Variants in UHRF1 observed in about 807,000 individuals in gnomAD.
UHRF1 encodes the protein ubiquitin like with PHD and ring finger domains 1.
A neutral mutation model predicts 96.5 loss-of-function variants in UHRF1; 9 were observed. The observed-to-expected ratio is 0.09, with a 90% confidence interval of 0.06 to 0.16. The LOEUF (loss-of-function observed/expected upper bound fraction) is 0.16. Ranked by LOEUF, UHRF1 falls within the 10% of genes least tolerant of loss-of-function variation. The pLI is 1.00. For missense variants in UHRF1, 626 were observed against 1,131.1 expected, an observed-to-expected ratio of 0.55 and a Z score of 6.40; for synonymous variants, 455 against 469.9, an observed-to-expected ratio of 0.97 and a Z score of 0.41.
intron 13 of UHRF1, among the ~76,000 whole-genome samples, chr19:4,952,251 C>A (rs577322898): frequency 6.6e-6 from 1 of 152,166 alleles, no homozygotes; most frequent in South Asian, 2.1e-4. Context: ...CACCACCACG[C>A]CTGGCTCAGT....
At chr19:4,906,781 A>T (rs1288766743), upstream of UHRF1, among the ~76,000 whole-genome samples, 1 of 152,128 alleles carries the variant, frequency 6.6e-6, no homozygotes, top group Non-Finnish European at 1.5e-5. Context: ...AGAAAAAGAA[A>T]AATGTATTCC....
In UHRF1 at chr19:4,954,300, A is replaced by G. The variant is rs781161206; in HGVS notation, c.1819-50A>G. On this transcript the variant is annotated intron_variant, in intron 13 of 16. Coordinates refer to ENST00000650932, the MANE Select transcript of UHRF1 (RefSeq NM_001048201.3). This position sits in a 1 kb window ranked among gnomAD's most constrained non-coding sequence, Gnocchi z 5.9. ...GAGGCTGGAAGAGCGGGCTCTGCATAGCGTGTGGGCCCCAAGCCTGACTCA... is the reference window on the plus strand; with the variant it reads ...GAGGCTGGAAGAGCGGGCTCTGCATGGCGTGTGGGCCCCAAGCCTGACTCA... The G allele has an allele frequency of 2.3e-5, 37 of 1,596,558 alleles. No individual in the cohort carries two copies. The Admixed American group carries it at 2.5e-4, about 11-fold the overall frequency.
At chr19:4,939,213 C>T (rs570703542) in intron 5 of UHRF1, among the ~76,000 whole-genome samples, 6 of 135,590 alleles carry the variant, frequency 4.4e-5, no homozygotes, top group East Asian at 2.3e-4. Context: ...CCACTGCACC[C>T]GGCCATTTTT....
intron 2 of UHRF1, among the ~76,000 whole-genome samples, chr19:4,912,720 A>G (rs753808609): frequency 6.6e-6 from 1 of 151,700 alleles, no homozygotes; most frequent in Non-Finnish European, 1.5e-5. Flanking sequence ...GTCAGTACCT[A>G]GAGCTCAGTA....
intron 1 of UHRF1, 46 bp from the exon 2 acceptor site, chr19:4,910,830 A>C: frequency 6.4e-7 from 1 of 1,557,970 alleles, no homozygotes; most frequent in Non-Finnish European, 8.7e-7. Context: ...CATGGCTCAG[A>C]GGTGCTGGTA....
intron 16 of UHRF1, 23 bp downstream of exon 16, chr19:4,956,836 G>C: frequency 6.4e-7 from 1 of 1,555,528 alleles, no homozygotes; most frequent in Non-Finnish European, 8.8e-7. Flanking sequence ...GGCCGCGGGA[G>C]CCGGGTGGAA....
At chr19:4,910,135 G>C (rs1249799893) in intron 1 of UHRF1, 5 of 152,154 alleles carry the variant, frequency 3.3e-5, no homozygotes, top group African/African-American at 1.2e-4. Context: ...CCCGGCGGCG[G>C]GGGTGGGCGT....
upstream of UHRF1, chr19:4,909,256 G>C (rs980783398): frequency 1.7e-5 from 9 of 518,834 alleles, no homozygotes; most frequent in Non-Finnish European, 6.8e-6. Context: ...GTCCACGTGC[G>C]GGGGGTGACC....
chr19:4,947,277 G>C, intron 11 of UHRF1, 66 bp downstream of exon 11: 1 of 1,450,132 alleles, frequency 6.9e-7, no homozygotes, highest in Non-Finnish European at 9.7e-7. Flanking sequence ...TTCTGTTTTG[G>C]GCCTCATGTC....
At chr19:4,910,257 G>C (rs1248909502) in intron 1 of UHRF1, 1 of 149,998 alleles carries the variant, frequency 6.7e-6, no homozygotes, top group Non-Finnish European at 1.5e-5. Context: ...GTGAGTCGCG[G>C]GGCGCGCGCG....
chr19:4,917,696 C>T (rs1489779402), intron 2 of UHRF1, among the ~76,000 whole-genome samples: 3 of 147,594 alleles, frequency 2.0e-5, no homozygotes, highest in African/African-American at 5.0e-5. Flanking sequence ...GTCTTGCTGT[C>T]GTCCAGGCTG....
intron 7 of UHRF1, 84 bp downstream of exon 7, chr19:4,942,015 G>T: frequency 7.3e-7 from 1 of 1,361,662 alleles, no homozygotes; most frequent in Non-Finnish European, 9.6e-7. Flanking sequence ...ACAGGAGAGG[G>T]GCAGGCGCGG....
intron 5 of UHRF1, among the ~76,000 whole-genome samples, chr19:4,937,287 G>A (rs2033245467): frequency 7.1e-6 from 1 of 140,074 alleles, no homozygotes; most frequent in African/African-American, 2.8e-5. Flanking sequence ...TGGTATAGAT[G>A]GGCCACTTTT....
At chr19:4,912,236 C>T (rs1363899883) in intron 2 of UHRF1, among the ~76,000 whole-genome samples, 2 of 152,128 alleles carry the variant, frequency 1.3e-5, no homozygotes, top group Non-Finnish European at 2.9e-5. Flanking sequence ...GAGGCAGGGC[C>T]GGGCTCGACA....
intron 5 of UHRF1, among the ~76,000 whole-genome samples, chr19:4,937,165 T>C (rs954483810): frequency 2.6e-5 from 4 of 152,156 alleles, no homozygotes; most frequent in African/African-American, 9.7e-5. Flanking sequence ...AATCACACAG[T>C]ATGTAACCTT....
Position 4,923,045 on chromosome 19 carries a change from C to T in UHRF1, c.154-6177C>T, listed in dbSNP as rs971670115. Among the ~76,000 whole-genome samples, 12 of 152,134 alleles carry T rather than the reference C, an allele frequency of 7.9e-5. 1 individual carries two copies. The highest frequency in any genetic ancestry group is 2.6e-4 in the African/African-American group (11 of 41,548). ...GGCCTGGCTCCCCAAGCTGCTCCTG[C>T]GGGTCAGGGGCTGCCCATTAGCCTG... On this transcript the variant is annotated intron_variant, in intron 2 of 16. Coordinates refer to ENST00000650932, the MANE Select transcript of UHRF1 (RefSeq NM_001048201.3).
Position 4,930,161 on chromosome 19 carries a change from G to T in UHRF1, c.409-555G>T, listed in dbSNP as rs539879718. ...GGCTAATTTTTGTATTTTTTGTAGA[G>T]ACGGGATTTCGCCATGTTGGCCAGG... On this transcript the variant is annotated intron_variant, in intron 3 of 16. Transcript: ENST00000650932. The surrounding 1 kb of genome is among the most constrained non-coding windows in gnomAD (Gnocchi z 4.4). Among the ~76,000 whole-genome samples, 47 of 152,256 alleles carry T rather than the reference G, an allele frequency of 3.1e-4. No homozygotes were observed. The South Asian group carries it at 7.0e-3, about 23-fold the overall frequency.
intron 10 of UHRF1, 83 bp downstream of exon 10, chr19:4,946,048 T>C: frequency 1.8e-6 from 2 of 1,106,118 alleles, no homozygotes; most frequent in Non-Finnish European, 2.6e-6. Flanking sequence ...AAATTTCCCA[T>C]CCTAGCCGTT....
At chr19:4,924,243 G>A (rs554631107) in intron 2 of UHRF1, among the ~76,000 whole-genome samples, 63 of 152,122 alleles carry the variant, frequency 4.1e-4, no homozygotes, top group Non-Finnish European at 6.6e-4. Context: ...TCCGCCCCCC[G>A]GGTTCATGCC....
Sources: allele counts gnomAD v4.1 joint callset (sites outside exome capture counted in the v4.1 genomes callset), GRCh38; gene constraint gnomAD v4.1.1; non-coding constraint Gnocchi (gnomAD v3.1); transcripts MANE v1.5; gene names NCBI Gene and HGNC (gene_info 2026-07-23, HGNC 2026-07-21).